The following TG variants were observed in gnomAD, a reference collection of about 807,000 sequenced individuals.
The protein encoded by TG is thyroid hormones.
TG carries 270 observed loss-of-function variants against 324.7 expected under a neutral mutation model. The ratio of observed to expected loss-of-function variants is 0.83; its 90% CI spans 0.75 to 0.92. The LOEUF is 0.92. Among genes scored for constraint, TG ranks in the 40% least tolerant of loss-of-function variants. The pLI, the probability that TG is intolerant of heterozygous loss-of-function variation, is 0.00. For missense variants in TG, 3,591 were observed against 3,456.4 expected (o/e 1.04, Z -0.98); for synonymous variants, 1,401 against 1,327.0 (o/e 1.06, Z -1.21).
chr8:132,978,551 T>C (rs1218484940), intron 34 of TG, among the ~76,000 whole-genome samples: 4 of 152,122 alleles, frequency 2.6e-5, no homozygotes, highest in African/African-American at 4.8e-5. Context: ...ATGTGGCTTG[T>C]ATTACTGTAG....
chr8:132,896,518 G>A lies in TG; in HGVS notation c.3002-1131G>A, dbSNP rs184835780. 5.9e-5 allele frequency among the ~76,000 whole-genome samples: 9 copies of A among 152,326 alleles called. No homozygotes were observed. In the East Asian group the frequency reaches 1.7e-3, roughly 29 times the overall value. On this transcript the variant is annotated intron_variant, in intron 11 of 47. Coordinates refer to ENST00000220616, the MANE Select transcript of TG (RefSeq NM_003235.5). ...TTCCCGTTCTCCCTCCAGGATCCTGGTGAGGAGCCCCAACCTGCCCCAAGT... is the reference window on the plus strand; with the variant it reads ...TTCCCGTTCTCCCTCCAGGATCCTGATGAGGAGCCCCAACCTGCCCCAAGT...
intron 41 of TG, chr8:133,050,054 C>G (rs1840114685): frequency 3.0e-6 from 3 of 1,009,346 alleles, no homozygotes; most frequent in Non-Finnish European, 4.8e-6. Context: ...GATGAATGAA[C>G]AGAGTAATCA....
chr8:133,079,030 G>C (rs1037263892), intron 41 of TG, among the ~76,000 whole-genome samples: 11 of 152,180 alleles, frequency 7.2e-5, no homozygotes, highest in African/African-American at 2.7e-4. Context: ...GAGGCATGGC[G>C]GGACCACATC....
chr8:133,096,855 G>A (rs943608824), intron 43 of TG, among the ~76,000 whole-genome samples: 2 of 152,220 alleles, frequency 1.3e-5, no homozygotes, highest in African/African-American at 2.4e-5. Context: ...TGGCAAACAC[G>A]CAGCTTTGTG....
At position 133,047,637 on chromosome 8, in the gene TG, C is replaced by A. The variant is rs113103043; in HGVS notation, c.7239+17614C>A. ...CCGTGGCAGTGCCCAGCCGGCTCCCCACTGCCTGTCTCTAGTCCCCTTGCT... is the reference window on the plus strand; with the variant it reads ...CCGTGGCAGTGCCCAGCCGGCTCCCAACTGCCTGTCTCTAGTCCCCTTGCT... On this transcript the variant is annotated intron_variant, in intron 41 of 47. Transcript: ENST00000220616. 676 of 601,838 alleles carry A rather than the reference C, an allele frequency of 1.1e-3. 1 individual carries two copies. Among genetic ancestry groups the A allele is most frequent in the African/African-American group, 0.011 (603 of 54,322 alleles). The allele number at this position is 601,838 out of a possible 1,614,324, so 37.3% of individuals were successfully genotyped here.
chr8:133,107,501 C>A (rs1457310415), intron 43 of TG, among the ~76,000 whole-genome samples: 1 of 152,196 alleles, frequency 6.6e-6, no homozygotes, highest in Non-Finnish European at 1.5e-5. Flanking sequence ...TGCAGTCACA[C>A]GGTGGCCCCC....
At chr8:132,998,003 C>T (rs189231396) in intron 35 of TG, among the ~76,000 whole-genome samples, 335 of 152,120 alleles carry the variant, frequency 2.2e-3, no homozygotes, top group African/African-American at 6.3e-3. Context: ...AGTGAAGTGT[C>T]GGTGTCGAGG....
At chr8:132,911,602 C>A in intron 19 of TG, 69 bp downstream of exon 19, 1 of 1,325,808 alleles carries the variant, frequency 7.5e-7, no homozygotes, top group Non-Finnish European at 1.1e-6. Context: ...TTCTCATCTG[C>A]CAAATGGAGC....
intron 35 of TG, chr8:132,983,756 A>C: frequency 2.5e-6 from 1 of 400,852 alleles, no homozygotes; most frequent in Non-Finnish European, 4.7e-6. Context: ...AATGTCAAGA[A>C]TGGTGTTATT....
intron 41 of TG, among the ~76,000 whole-genome samples, chr8:133,034,637 TA>T: frequency 6.6e-6 from 1 of 152,288 alleles, no homozygotes; most frequent in East Asian, 1.9e-4. Context: ...GCTTAGTGGA[TA>T]AAAAAGTTCA....
chr8:133,101,952 T>A (rs1281381216), intron 43 of TG, among the ~76,000 whole-genome samples: 2 of 152,192 alleles, frequency 1.3e-5, no homozygotes, highest in Non-Finnish European at 2.9e-5. Flanking sequence ...ATCACGAGCA[T>A]CCAAGTTACC....
At chr8:132,924,654 A>T (rs902405231) in intron 22 of TG, among the ~76,000 whole-genome samples, 1 of 152,238 alleles carries the variant, frequency 6.6e-6, no homozygotes, top group Non-Finnish European at 1.5e-5. Flanking sequence ...AGAGGAACAG[A>T]AGAGAAGAGT....
At chr8:132,901,590 C>G (rs1258479875) in intron 16 of TG, 37 bp downstream of exon 16, 1 of 1,592,856 alleles carries the variant, frequency 6.3e-7, no homozygotes, top group East Asian at 2.2e-5. Flanking sequence ...ACGAGGCCTG[C>G]ATATCTGTTC....
intron 41 of TG, among the ~76,000 whole-genome samples, chr8:133,071,900 A>G (rs751428367): frequency 3.3e-5 from 5 of 152,214 alleles, no homozygotes; most frequent in Non-Finnish European, 5.9e-5. Context: ...ATGAAAAGCC[A>G]TGATCTAGCC....
At position 132,873,266 on chromosome 8, in the gene TG, G is replaced by A. The variant is rs753030109; in HGVS notation, c.638+45G>A. 8.1e-6 allele frequency: 13 copies of A among 1,610,284 alleles called. 1 individual carries two copies. The highest frequency in any genetic ancestry group is 3.4e-4 in the Middle Eastern group (2 of 5,894). On this transcript the variant is annotated intron_variant, in intron 5 of 47. Coordinates refer to ENST00000220616, the MANE Select transcript of TG (RefSeq NM_003235.5). Reference sequence around the variant, plus strand: ...GCCAGTCACTGGGCCATCACCTGACGCAGCCCACACTCACCTTGAGCTGGG... The same window carrying A: ...GCCAGTCACTGGGCCATCACCTGACACAGCCCACACTCACCTTGAGCTGGG...
At chr8:132,987,800 C>A (rs1831762298) in intron 35 of TG, among the ~76,000 whole-genome samples, 3 of 151,950 alleles carry the variant, frequency 2.0e-5, no homozygotes, top group Middle Eastern at 3.4e-3. Context: ...TTTGCATATG[C>A]AAACCATTCT....
chr8:133,072,456 A>G (rs1055760129), intron 41 of TG, among the ~76,000 whole-genome samples: 2 of 152,140 alleles, frequency 1.3e-5, no homozygotes, highest in South Asian at 4.1e-4. Context: ...ATGGATAGAT[A>G]GATAGATGGA....
intron 27 of TG, among the ~76,000 whole-genome samples, chr8:132,957,647 C>T (rs531986301): frequency 5.2e-4 from 79 of 151,730 alleles, no homozygotes; most frequent in African/African-American, 1.7e-3. Flanking sequence ...CTAAGGATTA[C>T]GGCTCTTAGG....
intron 35 of TG, among the ~76,000 whole-genome samples, chr8:132,985,091 C>T (rs907671323): frequency 6.6e-6 from 1 of 152,188 alleles, no homozygotes; most frequent in Non-Finnish European, 1.5e-5. Context: ...AGTTGGCCTG[C>T]TCTATGTGGG....
Sources: allele counts gnomAD v4.1 joint callset (sites outside exome capture counted in the v4.1 genomes callset), GRCh38; gene constraint gnomAD v4.1.1; transcripts MANE v1.5; gene names NCBI Gene and HGNC (gene_info 2026-07-23, HGNC 2026-07-21).